ADIPOR2: variants seen among roughly 807,000 people sequenced by gnomAD.
ADIPOR2 encodes the protein adiponectin receptor protein 2.
A neutral mutation model predicts 40.9 loss-of-function variants in ADIPOR2; 18 were observed. That is an observed-to-expected ratio of 0.44 (90% CI 0.30 to 0.65). The LOEUF (loss-of-function observed/expected upper bound fraction) is 0.65. Ranked by LOEUF, ADIPOR2 falls within the 30% of genes least tolerant of loss-of-function variation. The pLI is 0.09. For synonymous variants in ADIPOR2, 165 were observed against 166.4 expected, an observed-to-expected ratio of 0.99 and a Z score of 0.06; for missense variants, 283 against 479.2, an observed-to-expected ratio of 0.59 and a Z score of 3.82.
At chr12:1,734,050 A>C (rs1009401571) in intron 1 of ADIPOR2, among the ~76,000 whole-genome samples, 2 of 152,174 alleles carry the variant, frequency 1.3e-5, no homozygotes, top group African/African-American at 4.8e-5. Flanking sequence ...GCTATTATGA[A>C]TAGAGTGCCG....
chr12:1,699,898 A>AG (rs2094646813), intron 1 of ADIPOR2, among the ~76,000 whole-genome samples: 1 of 152,208 alleles, frequency 6.6e-6, no homozygotes, highest in Non-Finnish European at 1.5e-5. Flanking sequence ...ATGTGTTAGA[A>AG]GGGGATATAT....
chr12:1,754,472 G>T lies in ADIPOR2; in HGVS notation c.129G>T (p.Glu43Asp). The change falls in exon 2 of 8, where the codon GAG (glutamate) becomes GAT (aspartate). Residue 43 changes from glutamate to aspartate, a missense_variant. Transcript: ENST00000357103. ...GDNDSHQGDL[E>D]PILEASVLSS... ...ATGACAGCCACCAAGGAGATTTGGA[G>T]CCCATTTTAGAGGCATCTGTTCTAT... 6.2e-7 allele frequency: 1 copy of T among 1,613,136 alleles called. No homozygotes were observed. Among genetic ancestry groups the T allele is most frequent in the Non-Finnish European group, 8.5e-7 (1 of 1,179,570 alleles).
At chr12:1,733,392 C>T (rs1807498849) in intron 1 of ADIPOR2, among the ~76,000 whole-genome samples, 2 of 152,054 alleles carry the variant, frequency 1.3e-5, no homozygotes, top group African/African-American at 4.8e-5. Context: ...ACTGAGGCTT[C>T]CCTTGAGACA....
At chr12:1,778,928 C>T (rs1327606666) in intron 4 of ADIPOR2, among the ~76,000 whole-genome samples, 3 of 142,674 alleles carry the variant, frequency 2.1e-5, no homozygotes, top group African/African-American at 7.4e-5. Flanking sequence ...TGTTTGTCTT[C>T]GTTAGGCATT....
intron 1 of ADIPOR2, among the ~76,000 whole-genome samples, chr12:1,749,487 CA>C (rs2094764276): frequency 1.3e-5 from 2 of 152,108 alleles, no homozygotes; most frequent in Admixed American, 6.5e-5. Flanking sequence ...GGAAGAAGAC[CA>C]ATAGATATCA....
intron 1 of ADIPOR2, among the ~76,000 whole-genome samples, chr12:1,695,534 G>A (rs2058034): frequency 0.27 from 40,708 of 151,540 alleles, 6,083 homozygotes; most frequent in Admixed American, 0.44. Context: ...ATGGTGGCGC[G>A]CGCCTGTAAT....
At chr12:1,777,076 A>G (rs1022149626) in intron 3 of ADIPOR2, among the ~76,000 whole-genome samples, 7 of 152,212 alleles carry the variant, frequency 4.6e-5, no homozygotes, top group Non-Finnish European at 8.8e-5. Flanking sequence ...GAAGAGAAGA[A>G]AGAGTAAGAT....
intron 1 of ADIPOR2, among the ~76,000 whole-genome samples, chr12:1,750,886 TAC>T (rs760706928): frequency 6.6e-6 from 1 of 152,140 alleles, no homozygotes; most frequent in African/African-American, 2.4e-5. Context: ...TGCAAATAGT[TAC>T]AGTTTACCTT....
intron 1 of ADIPOR2, among the ~76,000 whole-genome samples, chr12:1,712,471 A>G (rs901924031): frequency 2.0e-5 from 3 of 152,148 alleles, no homozygotes; most frequent in African/African-American, 7.2e-5. Flanking sequence ...AACTACACGT[A>G]AACAGTGAGG....
At chr12:1,732,495 T>A (rs918011597) in intron 1 of ADIPOR2, among the ~76,000 whole-genome samples, 6 of 152,238 alleles carry the variant, frequency 3.9e-5, no homozygotes, top group African/African-American at 1.4e-4. Flanking sequence ...AGCTCATTTC[T>A]TTTTATTGCT....
intron 1 of ADIPOR2, among the ~76,000 whole-genome samples, chr12:1,693,440 T>C (rs2094631473): frequency 6.6e-6 from 1 of 152,218 alleles, no homozygotes; most frequent in African/African-American, 2.4e-5. Flanking sequence ...TTGGGGCTTT[T>C]TTTCTGTGAT....
At chr12:1,778,374 T>C (rs1035115700) in intron 4 of ADIPOR2, 4 of 168,114 alleles carry the variant, frequency 2.4e-5, no homozygotes, top group African/African-American at 4.8e-5. Flanking sequence ...GCATTACTTA[T>C]ATGCACTGCT....
chr12:1,783,682 T>C (rs913346756), intron 6 of ADIPOR2, among the ~76,000 whole-genome samples, 198 bp from the exon 7 acceptor site: 2 of 152,246 alleles, frequency 1.3e-5, no homozygotes, highest in East Asian at 3.8e-4. Context: ...TGTAAATCTT[T>C]AGAACATAGC....
intron 1 of ADIPOR2, among the ~76,000 whole-genome samples, chr12:1,713,107 TG>T (rs2094680852): frequency 6.6e-6 from 1 of 152,102 alleles, no homozygotes; most frequent in Non-Finnish European, 1.5e-5. Context: ...CCTGAACCTT[TG>T]GGGCAAGACT....
At chr12:1,720,521 G>A (rs2094695810) in intron 1 of ADIPOR2, among the ~76,000 whole-genome samples, 1 of 152,230 alleles carries the variant, frequency 6.6e-6, no homozygotes. Context: ...ATATGGGAGT[G>A]ATGGGAGACA....
chr12:1,754,679 T>G (rs539037104), intron 2 of ADIPOR2, among the ~76,000 whole-genome samples, 165 bp downstream of exon 2: 8 of 147,972 alleles, frequency 5.4e-5, no homozygotes, highest in Non-Finnish European at 5.9e-5. Flanking sequence ...ACTTGAAGTC[T>G]CTTATCTTTA....
At chr12:1,777,509 C>T (rs1654887784) in intron 3 of ADIPOR2, among the ~76,000 whole-genome samples, 1 of 151,376 alleles carries the variant, frequency 6.6e-6, no homozygotes, top group Non-Finnish European at 1.5e-5. Context: ...GCCTCAGCCT[C>T]CCGAGTAGGT....
At chr12:1,713,453 T>C (rs951332592) in intron 1 of ADIPOR2, among the ~76,000 whole-genome samples, 1 of 152,114 alleles carries the variant, frequency 6.6e-6, no homozygotes, top group African/African-American at 2.4e-5. Context: ...CTTTATGAGC[T>C]TCAGGCCTTA....
chr12:1,711,600 CTCTT>C (rs1337392404), intron 1 of ADIPOR2, among the ~76,000 whole-genome samples: 5 of 116,958 alleles, frequency 4.3e-5, no homozygotes, highest in Non-Finnish European at 1.8e-5. Context: ...CTCTGTGTCT[CTCTT>C]TGTCTCTTCC....
Sources: gnomAD v4.1 joint callset for allele counts (sites outside exome capture counted in the v4.1 genomes callset) on GRCh38, gnomAD v4.1.1 for gene constraint, MANE v1.5 for transcripts, NCBI Gene and HGNC (gene_info 2026-07-23, HGNC 2026-07-21) for gene names.